DAB1: variants seen among roughly 807,000 people sequenced by gnomAD.
DAB1 encodes the protein DAB adaptor protein 1.
A neutral mutation model predicts 64.6 loss-of-function variants in DAB1; 15 were observed. The ratio of observed to expected loss-of-function variants is 0.23; its 90% confidence interval spans 0.16 to 0.36. The LOEUF (loss-of-function observed/expected upper bound fraction) is 0.36, where lower values mean the gene tolerates loss of function less well. Among genes scored for constraint, DAB1 ranks in the 10% least tolerant of loss-of-function variants. The pLI, the probability that DAB1 is intolerant of heterozygous loss-of-function variation, is 1.00. For synonymous variants in DAB1, 235 were observed against 251.9 expected (o/e 0.93, Z 0.64); for missense variants, 596 against 706.7 (o/e 0.84, Z 1.78).
chr1:57,895,263 C>T (rs1644376180), intron 5 of DAB1, among the ~76,000 whole-genome samples: 1 of 152,124 alleles, frequency 6.6e-6, no homozygotes, highest in Non-Finnish European at 1.5e-5. Flanking sequence ...AATTTAATCC[C>T]CAGGTCAGAC....
chr1:58,297,502 T>C (rs1179114497), intron 4 of DAB1, among the ~76,000 whole-genome samples: 3 of 152,144 alleles, frequency 2.0e-5, no homozygotes, highest in Non-Finnish European at 2.9e-5. Context: ...GAGTGCTCAA[T>C]GGTGGGCTCT....
chr1:58,244,140 T>C (rs993835604), intron 4 of DAB1, among the ~76,000 whole-genome samples: 4 of 152,204 alleles, frequency 2.6e-5, no homozygotes, highest in African/African-American at 9.7e-5. Flanking sequence ...TGAGTCTCAG[T>C]TCCTTTCCAT....
At chr1:57,795,919 T>C (rs1282936234) in intron 6 of DAB1, among the ~76,000 whole-genome samples, 1 of 151,294 alleles carries the variant, frequency 6.6e-6, no homozygotes, top group Non-Finnish European at 1.5e-5. Context: ...CTCGAAAATA[T>C]TGTAAGAATC....
chr1:58,142,293 C>T (rs1310820126), intron 5 of DAB1, among the ~76,000 whole-genome samples: 1 of 152,214 alleles, frequency 6.6e-6, no homozygotes, highest in African/African-American at 2.4e-5. Context: ...ATGCCAGCAG[C>T]ATTAAGCTGG....
At chr1:57,005,591 C>T (rs923273003) in intron 14 of DAB1, among the ~76,000 whole-genome samples, 2 of 152,114 alleles carry the variant, frequency 1.3e-5, no homozygotes, top group African/African-American at 4.8e-5. Context: ...GCTGGAAGGA[C>T]CTGTGGGAAC....
At chr1:57,927,269 C>T (rs905609791) in intron 5 of DAB1, among the ~76,000 whole-genome samples, 3 of 152,140 alleles carry the variant, frequency 2.0e-5, no homozygotes, top group East Asian at 1.9e-4. Flanking sequence ...GTTTGAGATT[C>T]GAGAACAGAG....
chr1:57,495,131 C>T (rs1644214546), intron 7 of DAB1, among the ~76,000 whole-genome samples: 1 of 152,032 alleles, frequency 6.6e-6, no homozygotes, highest in East Asian at 1.9e-4. Context: ...ACATAAAGTG[C>T]CCCCAAAGCT....
chr1:58,176,525 G>A (rs1357994027), intron 4 of DAB1, among the ~76,000 whole-genome samples: 1 of 152,108 alleles, frequency 6.6e-6, no homozygotes, highest in Non-Finnish European at 1.5e-5. Flanking sequence ...TGCAGGCTGG[G>A]AAAACCAATA....
In DAB1 at chr1:57,300,798, A is replaced by T. The variant is rs61767394; in HGVS notation, c.-136-9632T>A. 7.5e-3 allele frequency among the ~76,000 whole-genome samples: 1,137 copies of T among 152,324 alleles called. 30 individuals carry two copies. In the East Asian group the frequency reaches 0.08, roughly 11 times the overall value. ...TACAAAAATAAATAAAAGTTTATTC[A>T]TTTAATATGCAGATTAACAGTAGCA... On this transcript the variant is annotated intron_variant, in intron 1 of 14. Transcript: ENST00000371236.
At chr1:58,005,937 G>A (rs994580184) in intron 5 of DAB1, among the ~76,000 whole-genome samples, 9 of 152,024 alleles carry the variant, frequency 5.9e-5, no homozygotes, top group African/African-American at 1.2e-4. Flanking sequence ...TAAGAGACCC[G>A]CCCAAGGACA....
At chr1:57,372,436 A>G (rs1306807971) in intron 1 of DAB1, among the ~76,000 whole-genome samples, 1 of 152,214 alleles carries the variant, frequency 6.6e-6, no homozygotes, top group African/African-American at 2.4e-5. Flanking sequence ...TCAGACAATC[A>G]ATATTCCAAT....
intron 6 of DAB1, among the ~76,000 whole-genome samples, chr1:57,698,812 T>C (rs1049193449): frequency 1.3e-5 from 2 of 152,248 alleles, no homozygotes; most frequent in Non-Finnish European, 2.9e-5. Context: ...ATGAACAACA[T>C]GTGATATCTT....
chr1:57,492,618 AT>A (rs1249046421), intron 7 of DAB1, among the ~76,000 whole-genome samples: 1 of 152,216 alleles, frequency 6.6e-6, no homozygotes, highest in East Asian at 1.9e-4. Flanking sequence ...TAGCCACCGT[AT>A]TTCACAGCAG....
At chr1:57,029,539 G>A (rs1189497201) in intron 9 of DAB1, among the ~76,000 whole-genome samples, 1 of 145,108 alleles carries the variant, frequency 6.9e-6, no homozygotes, top group Non-Finnish European at 1.5e-5. Flanking sequence ...GCCTGGAAAA[G>A]CCTCAGACAC....
chr1:58,240,478 A>G (rs930222818), intron 4 of DAB1, among the ~76,000 whole-genome samples: 5 of 152,166 alleles, frequency 3.3e-5, no homozygotes, highest in African/African-American at 1.2e-4. Context: ...TTATTCCCTA[A>G]ACACTCAGAC....
At chr1:57,735,566 C>T (rs1221391291) in intron 6 of DAB1, among the ~76,000 whole-genome samples, 1 of 149,978 alleles carries the variant, frequency 6.7e-6, no homozygotes, top group East Asian at 2.0e-4. Flanking sequence ...AGAGTGAATC[C>T]ACTCCTTTGG....
At chr1:57,478,838 G>T (rs1446208875) in intron 7 of DAB1, among the ~76,000 whole-genome samples, 3 of 151,442 alleles carry the variant, frequency 2.0e-5, no homozygotes, top group African/African-American at 7.3e-5. Context: ...CTGACCTCAT[G>T]ATCCACCGAC....
chr1:58,497,296 T>C (rs147905033), intron 3 of DAB1, among the ~76,000 whole-genome samples: 65 of 152,228 alleles, frequency 4.3e-4, no homozygotes, highest in African/African-American at 1.5e-3. Context: ...CCAAATGCAA[T>C]GTGTGGATCA....
At chr1:58,313,072 G>C (rs1456707774) in intron 4 of DAB1, among the ~76,000 whole-genome samples, 2 of 152,164 alleles carry the variant, frequency 1.3e-5, no homozygotes, top group South Asian at 2.1e-4. Context: ...TCCAAGTCAT[G>C]ACTCCAGTCT....
Sources: allele counts gnomAD v4.1 joint callset (sites outside exome capture counted in the v4.1 genomes callset), GRCh38; gene constraint gnomAD v4.1.1; transcripts MANE v1.5; gene names NCBI Gene and HGNC (gene_info 2026-07-23, HGNC 2026-07-21).